Variants in TBL1XR1 observed in about 807,000 individuals in gnomAD.
TBL1XR1 encodes the protein F-box-like/WD repeat-containing protein TBL1XR1.
In TBL1XR1, 5 loss-of-function variants were observed where a neutral mutation model predicts 66.9. That is an observed-to-expected ratio of 0.07 (90% confidence interval 0.04 to 0.16). TBL1XR1 has a LOEUF of 0.16. TBL1XR1 is among the 10% of genes least tolerant of loss of function. The probability of loss-of-function intolerance (pLI) is 1.00; values close to 1 mark genes in which losing one functional copy is unlikely to be tolerated. For synonymous variants in TBL1XR1, 210 were observed against 206.0 expected, an observed-to-expected ratio of 1.02 and a Z score of -0.17; for missense variants, 238 against 623.2, an observed-to-expected ratio of 0.38 and a Z score of 6.58.
chr3:177,022,889 T>TAC lies in TBL1XR1; in HGVS notation c.*2607_*2608dup, dbSNP rs962274719. ...CGTATGCTCATGAAGAACCCAAGCC[T>TAC]ACAAAATGGATACCTTTCAGAAAAG... is the stretch of plus-strand genomic sequence containing the variant. On this transcript the variant is annotated 3_prime_UTR_variant, in exon 16 of 16. Coordinates refer to ENST00000457928, the MANE Select transcript of TBL1XR1 (RefSeq NM_024665.7). The TAC allele has an allele frequency of 2.6e-5, 4 of 152,286 alleles. No individual in the cohort carries two copies. Among genetic ancestry groups the TAC allele is most frequent in the Non-Finnish European group, 5.9e-5 (4 of 67,912 alleles). 9.4% of individuals were successfully genotyped at this position (152,286 alleles called of 1,614,324 possible).
At chr3:177,139,830 G>A (rs961340007) in intron 1 of TBL1XR1, among the ~76,000 whole-genome samples, 1 of 152,136 alleles carries the variant, frequency 6.6e-6, no homozygotes, top group African/African-American at 2.4e-5. Context: ...ACACTCAACA[G>A]AGTAACATTA....
intron 7 of TBL1XR1, among the ~76,000 whole-genome samples, chr3:177,048,764 C>T (rs937259589): frequency 1.3e-5 from 2 of 152,150 alleles, no homozygotes; most frequent in East Asian, 1.9e-4. Flanking sequence ...CCAAGTTCAC[C>T]GTGAATAACA....
At chr3:177,151,760 G>A (rs1730915739) in intron 1 of TBL1XR1, among the ~76,000 whole-genome samples, 1 of 152,158 alleles carries the variant, frequency 6.6e-6, no homozygotes, top group African/African-American at 2.4e-5. Flanking sequence ...TCCCAGACGG[G>A]CACGGTGGCT....
intron 14 of TBL1XR1, chr3:177,026,731 T>A: frequency 2.8e-6 from 1 of 355,612 alleles, no homozygotes; most frequent in East Asian, 5.2e-5. Context: ...GGCTAAGGTA[T>A]CTGGTCTCTC....
In TBL1XR1 at chr3:177,168,430, C is replaced by T. The variant is rs112764213; in HGVS notation, c.-122+28691G>A. ...CTGAGTAGCTGGGATTACAGGCACC[C>T]GACACCATACCCAGCTAATTTTTTT... On this transcript the variant is annotated intron_variant, in intron 1 of 15. Coordinates refer to ENST00000457928, the MANE Select transcript of TBL1XR1 (RefSeq NM_024665.7). Among the ~76,000 whole-genome samples the T allele has an allele frequency of 9.0e-3, 1,371 of 152,152 alleles. 22 individuals are homozygous for T. The highest frequency in any genetic ancestry group is 0.032 in the African/African-American group (1,316 of 41,522).
At chr3:177,109,367 T>C (rs1388510601) in intron 1 of TBL1XR1, among the ~76,000 whole-genome samples, 2 of 152,074 alleles carry the variant, frequency 1.3e-5, no homozygotes, top group Non-Finnish European at 1.5e-5. Flanking sequence ...TTTAAGAGAA[T>C]AGGAAGAAAT....
chr3:177,050,830 G>A (rs1716972500), intron 5 of TBL1XR1, among the ~76,000 whole-genome samples: 1 of 150,020 alleles, frequency 6.7e-6, no homozygotes, highest in Non-Finnish European at 1.5e-5. Flanking sequence ...TTTTAGAGGG[G>A]TGGGGGTGGG....
At chr3:177,184,071 T>G (rs563280225) in intron 1 of TBL1XR1, among the ~76,000 whole-genome samples, 48 of 152,262 alleles carry the variant, frequency 3.2e-4, no homozygotes, top group Middle Eastern at 3.4e-3. Context: ...CCAAAACAGG[T>G]GCTCCCTTTC....
intron 12 of TBL1XR1, among the ~76,000 whole-genome samples, chr3:177,036,524 A>G (rs1367675799): frequency 7.9e-5 from 12 of 152,196 alleles, no homozygotes; most frequent in Admixed American, 3.3e-4. Flanking sequence ...CTTCAACTCA[A>G]TATGTGGCAC....
rs552391742 is a variant in TBL1XR1 at position 177,078,782 on chromosome 3, C to CA, written c.-45-13761dup. 2.0e-3 allele frequency: 289 copies of CA among 142,744 alleles called. 1 individual carries two copies. Among genetic ancestry groups the CA allele is most frequent in the African/African-American group, 6.6e-3 (254 of 38,692 alleles). The allele number at this position is 142,744 out of a possible 1,614,324, so 8.8% of individuals were successfully genotyped here. On this transcript the variant is annotated intron_variant, in intron 2 of 15. Transcript: ENST00000457928. ...ACACGGTGAAACCCCGTCTCTACTA[C>CA]AAAAAAAATACAAAAAATTAGCCGA... is the stretch of plus-strand genomic sequence containing the variant.
chr3:177,143,864 G>C (rs1729925734), intron 1 of TBL1XR1, among the ~76,000 whole-genome samples: 2 of 152,214 alleles, frequency 1.3e-5, no homozygotes, highest in Non-Finnish European at 2.9e-5. Context: ...TGGGGAACAA[G>C]TGAGACTGGT....
At chr3:177,195,048 T>C (rs1207248899) in intron 1 of TBL1XR1, among the ~76,000 whole-genome samples, 1 of 152,136 alleles carries the variant, frequency 6.6e-6, no homozygotes, top group Non-Finnish European at 1.5e-5. Context: ...AAGAAAAACT[T>C]TTCCCAGGCA....
At chr3:177,138,343 T>C (rs1354830354) in intron 1 of TBL1XR1, among the ~76,000 whole-genome samples, 1 of 152,070 alleles carries the variant, frequency 6.6e-6, no homozygotes, top group Non-Finnish European at 1.5e-5. Context: ...ACCTGCAATT[T>C]CGGCATTTTG....
At chr3:177,135,442 C>A (rs1195835642) in intron 1 of TBL1XR1, among the ~76,000 whole-genome samples, 1 of 143,534 alleles carries the variant, frequency 7.0e-6, no homozygotes, top group Non-Finnish European at 1.5e-5. Context: ...GGAGTACAGT[C>A]GTGCAATCTC....
chr3:177,132,840 C>G (rs1048351746), intron 1 of TBL1XR1, among the ~76,000 whole-genome samples: 1 of 152,122 alleles, frequency 6.6e-6, no homozygotes, highest in Non-Finnish European at 1.5e-5. Flanking sequence ...TCACAGAGAG[C>G]CTTATGAATT....
At chr3:177,130,331 G>C (rs1174957621) in intron 1 of TBL1XR1, among the ~76,000 whole-genome samples, 1 of 152,008 alleles carries the variant, frequency 6.6e-6, no homozygotes, top group Admixed American at 6.6e-5. Context: ...TCCATCAACA[G>C]GGGCCTGGTA....
At chr3:177,055,997 G>A (rs1717755989) in intron 3 of TBL1XR1, among the ~76,000 whole-genome samples, 1 of 152,142 alleles carries the variant, frequency 6.6e-6, no homozygotes, top group Admixed American at 6.5e-5. Flanking sequence ...TACTCCTCTT[G>A]AACAGTTAAA....
intron 1 of TBL1XR1, among the ~76,000 whole-genome samples, chr3:177,166,899 A>G (rs974461431): frequency 3.9e-5 from 6 of 152,348 alleles, no homozygotes; most frequent in Non-Finnish European, 8.8e-5. Context: ...TTGCTGGTGC[A>G]ATCACAAAAT....
chr3:177,124,802 T>C (rs1307043070), intron 1 of TBL1XR1, among the ~76,000 whole-genome samples: 4 of 152,242 alleles, frequency 2.6e-5, no homozygotes, highest in South Asian at 2.1e-4. Flanking sequence ...CTAGAAAGTC[T>C]AGATAAAAAT....
Sources: allele counts gnomAD v4.1 joint callset (sites outside exome capture counted in the v4.1 genomes callset), GRCh38; gene constraint gnomAD v4.1.1; transcripts MANE v1.5; gene names NCBI Gene and HGNC (gene_info 2026-07-23, HGNC 2026-07-21).